The following MRPL48 variants were observed in gnomAD, a reference collection of about 807,000 sequenced individuals.
MRPL48 encodes large ribosomal subunit protein mL48.
In MRPL48, 16 loss-of-function variants were observed where a neutral mutation model predicts 32.9. The ratio of observed to expected loss-of-function variants is 0.49; its 90% CI spans 0.33 to 0.74. MRPL48 has a LOEUF of 0.74. Among genes scored for constraint, MRPL48 ranks in the 30% least tolerant of loss-of-function variants. The pLI, the probability that MRPL48 is intolerant of heterozygous loss-of-function variation, is 0.02. For missense variants in MRPL48, 206 were observed against 245.3 expected (o/e 0.84, Z 1.07); for synonymous variants, 94 against 89.2 (o/e 1.05, Z -0.31).
intron 4 of MRPL48, among the ~76,000 whole-genome samples, chr11:73,829,360 CTTTT>C (rs921838163): frequency 2.0e-5 from 3 of 147,268 alleles, no homozygotes; most frequent in Non-Finnish European, 3.0e-5. Flanking sequence ...TTCTTTCTTT[CTTTT>C]TTTTTTTCTT....
At chr11:73,837,638 T>G (rs1948126890) in intron 4 of MRPL48, among the ~76,000 whole-genome samples, 1 of 152,110 alleles carries the variant, frequency 6.6e-6, no homozygotes, top group Non-Finnish European at 1.5e-5. Flanking sequence ...CAGAGTGCAG[T>G]CCTACAAGGA....
At chr11:73,796,639 G>A (rs1353582573) in intron 1 of MRPL48, among the ~76,000 whole-genome samples, 1 of 152,240 alleles carries the variant, frequency 6.6e-6, no homozygotes, top group African/African-American at 2.4e-5. Flanking sequence ...CTTCAGGCCA[G>A]GGAGTGCCTG....
chr11:73,824,231 T>C (rs1947843227), intron 3 of MRPL48, among the ~76,000 whole-genome samples: 2 of 152,166 alleles, frequency 1.3e-5, no homozygotes, highest in African/African-American at 4.8e-5. Flanking sequence ...TTGTTGTTGT[T>C]CACTTAACGA....
intron 4 of MRPL48, among the ~76,000 whole-genome samples, chr11:73,838,138 C>T (rs531177093): frequency 3.3e-5 from 5 of 152,334 alleles, no homozygotes; most frequent in Non-Finnish European, 7.3e-5. Context: ...AGGCATGAGC[C>T]TCCACTCCTG....
chr11:73,831,137 G>A (rs1044076424), intron 4 of MRPL48, among the ~76,000 whole-genome samples: 7 of 152,156 alleles, frequency 4.6e-5, no homozygotes, highest in South Asian at 2.1e-4. Flanking sequence ...ACCGTGCCCA[G>A]CCTGTTTTTA....
intron 4 of MRPL48, among the ~76,000 whole-genome samples, chr11:73,831,377 G>A (rs1947990224): frequency 6.6e-6 from 1 of 152,132 alleles, no homozygotes; most frequent in Non-Finnish European, 1.5e-5. Context: ...TTTCAGACAT[G>A]TTTTCTCATA....
chr11:73,857,137 C>CTT (rs11404175), intron 5 of MRPL48, among the ~76,000 whole-genome samples: 4 of 147,398 alleles, frequency 2.7e-5, no homozygotes, highest in East Asian at 2.0e-4. Flanking sequence ...AAGCATAGAC[C>CTT]TTTTTTTTTT....
intron 4 of MRPL48, among the ~76,000 whole-genome samples, chr11:73,826,510 G>A (rs147503216): frequency 0.011 from 1,702 of 151,980 alleles, 31 homozygotes; most frequent in African/African-American, 0.039. Context: ...ATGGAGTCTC[G>A]CTCTGTTGCC....
chr11:73,864,491 A>G lies in MRPL48; in HGVS notation c.*121A>G. The G allele has an allele frequency of 1.1e-6, 1 of 943,254 alleles. No homozygotes were observed. Among genetic ancestry groups the G allele is most frequent in the Non-Finnish European group, 1.7e-6 (1 of 605,312 alleles). 58.4% of individuals were successfully genotyped at this position (943,254 alleles called of 1,614,324 possible). ...AGATTTCATAAGTACCCATTCCCATAGCCAGTAATGTCCTCACTCCTCTGT... is the reference window on the plus strand; with the variant it reads ...AGATTTCATAAGTACCCATTCCCATGGCCAGTAATGTCCTCACTCCTCTGT... On this transcript the variant is annotated 3_prime_UTR_variant, in exon 8 of 8. Coordinates refer to ENST00000310614, the MANE Select transcript of MRPL48 (RefSeq NM_016055.6).
chr11:73,795,873 C>T (rs1295031137), intron 1 of MRPL48, among the ~76,000 whole-genome samples: 6 of 152,156 alleles, frequency 3.9e-5, no homozygotes, highest in Admixed American at 6.6e-5. Context: ...ACTGTTACCA[C>T]TATTTAATTC....
chr11:73,837,015 C>T (rs1325977351), intron 4 of MRPL48, among the ~76,000 whole-genome samples: 1 of 152,202 alleles, frequency 6.6e-6, no homozygotes, highest in African/African-American at 2.4e-5. Context: ...TAAACATACT[C>T]AATCGCTGCA....
At chr11:73,843,705 C>T in intron 4 of MRPL48, among the ~76,000 whole-genome samples, 1 of 152,080 alleles carries the variant, frequency 6.6e-6, no homozygotes, top group East Asian at 1.9e-4. Context: ...AGATTCCTTT[C>T]TGTTAATTTT....
chr11:73,860,028 T>TA lies in MRPL48; in HGVS notation c.474+25dup. On this transcript the variant is annotated intron_variant, in intron 6 of 7. Transcript: ENST00000310614. ...GGTTCAGGTAGGCACTCCAGGAGAATAAAAAATGTATTTGCTTCTCCTGGT... is the reference window on the plus strand; with the variant it reads ...GGTTCAGGTAGGCACTCCAGGAGAATAAAAAAATGTATTTGCTTCTCCTGGT... 6.3e-7 allele frequency: 1 copy of TA among 1,586,924 alleles called. No individual in the cohort carries two copies. Among genetic ancestry groups the TA allele is most frequent in the Non-Finnish European group, 8.6e-7 (1 of 1,160,714 alleles).
At chr11:73,818,998 G>T (rs1947725672) in intron 3 of MRPL48, among the ~76,000 whole-genome samples, 1 of 152,182 alleles carries the variant, frequency 6.6e-6, no homozygotes, top group Non-Finnish European at 1.5e-5. Context: ...CTCTCAGGAG[G>T]CTGCAATGTT....
chr11:73,798,259 CA>C (rs1009331034), intron 1 of MRPL48, among the ~76,000 whole-genome samples: 1 of 151,782 alleles, frequency 6.6e-6, no homozygotes, highest in Non-Finnish European at 1.5e-5. Context: ...TGTATTTTTA[CA>C]AAATACAAAA....
In MRPL48 at chr11:73,833,749, A is replaced by G. The variant is rs141940214; in HGVS notation, c.201+7953A>G. 9.0e-3 allele frequency among the ~76,000 whole-genome samples: 1,371 copies of G among 152,254 alleles called. 6 individuals carry two copies. Among genetic ancestry groups the G allele is most frequent in the Non-Finnish European group, 0.015 (1,024 of 68,014 alleles). Reference sequence around the variant, plus strand: ...GAGTGCAGTGGTGCAATCATAGCACACTGTACCCTCAACCTCTCAGGCTCA... The same window carrying G: ...GAGTGCAGTGGTGCAATCATAGCACGCTGTACCCTCAACCTCTCAGGCTCA... On this transcript the variant is annotated intron_variant, in intron 4 of 7. Coordinates refer to ENST00000310614, the MANE Select transcript of MRPL48 (RefSeq NM_016055.6).
intron 4 of MRPL48, among the ~76,000 whole-genome samples, chr11:73,830,137 A>G (rs1233996069): frequency 6.6e-6 from 1 of 152,186 alleles, no homozygotes; most frequent in Non-Finnish European, 1.5e-5. Context: ...AGTTTTCTTC[A>G]TATCCTCAGT....
At chr11:73,853,157 A>G (rs1000148895) in intron 5 of MRPL48, among the ~76,000 whole-genome samples, 1 of 152,072 alleles carries the variant, frequency 6.6e-6, no homozygotes, top group African/African-American at 2.4e-5. Flanking sequence ...AAATAGAAAG[A>G]TTGAATAAGA....
intron 3 of MRPL48, among the ~76,000 whole-genome samples, chr11:73,809,240 C>CCGTGG: frequency 6.6e-6 from 1 of 151,470 alleles, no homozygotes; most frequent in Non-Finnish European, 1.5e-5. Context: ...TGGCCAGGTG[C>CCGTGG]CTCACGCCTG....
Sources: gnomAD v4.1 joint callset for allele counts (sites outside exome capture counted in the v4.1 genomes callset) on GRCh38, gnomAD v4.1.1 for gene constraint, MANE v1.5 for transcripts, NCBI Gene and HGNC (gene_info 2026-07-23, HGNC 2026-07-21) for gene names.